UIMC1: variants seen among roughly 807,000 people sequenced by gnomAD.
The protein encoded by UIMC1 is ubiquitin interaction motif containing 1.
UIMC1 carries 42 observed loss-of-function variants against 84.9 expected under a neutral mutation model. The observed-to-expected ratio is 0.49, with a 90% confidence interval of 0.39 to 0.64. UIMC1 has a LOEUF of 0.64. Among genes scored for constraint, UIMC1 ranks in the 30% least tolerant of loss-of-function variants. The pLI is 0.00. For synonymous variants in UIMC1, 281 were observed against 293.0 expected, an observed-to-expected ratio of 0.96 and a Z score of 0.42; for missense variants, 825 against 847.6, an observed-to-expected ratio of 0.97 and a Z score of 0.33.
At chr5:176,932,943 C>A (rs957905888) in intron 10 of UIMC1, among the ~76,000 whole-genome samples, 5 of 151,516 alleles carry the variant, frequency 3.3e-5, no homozygotes, top group Non-Finnish European at 7.4e-5. Flanking sequence ...TGCCCACCCA[C>A]CCTCTCAATT....
chr5:176,951,648 C>A (rs1765893210), intron 8 of UIMC1, 71 bp from the exon 9 acceptor site: 1 of 1,097,994 alleles, frequency 9.1e-7, no homozygotes, highest in Non-Finnish European at 1.3e-6. Context: ...AACAAACATG[C>A]CTATTTTCAC....
rs1366889462 is a variant in UIMC1, at chr5:176,957,723, G to T, written c.1262+370C>A. Among the ~76,000 whole-genome samples, 4 of 152,178 alleles carry T rather than the reference G, an allele frequency of 2.6e-5. No individual in the cohort carries two copies. The East Asian group carries it at 7.7e-4, about 29-fold the overall frequency. On this transcript the variant is annotated intron_variant, in intron 7 of 14. Transcript: ENST00000511320. Reference sequence around the variant, plus strand: ...AGAGTTGGGGAAAAGAGAGAAAGGGGCTAAGAATAGAAGGACTATAAAGAA... The same window carrying T: ...AGAGTTGGGGAAAAGAGAGAAAGGGTCTAAGAATAGAAGGACTATAAAGAA...
At chr5:176,999,071 A>T (rs557883107) in intron 1 of UIMC1, among the ~76,000 whole-genome samples, 8 of 152,244 alleles carry the variant, frequency 5.3e-5, no homozygotes, top group African/African-American at 1.7e-4. Flanking sequence ...GCATACCTGT[A>T]GTCCCAGCTA....
In UIMC1 at chr5:176,939,030, C is replaced by A. The variant is rs551251719; in HGVS notation, c.1597+4305G>T. Among the ~76,000 whole-genome samples the A allele has an allele frequency of 3.3e-5, 5 of 151,330 alleles. No individual in the cohort carries two copies. In the South Asian group the frequency reaches 1.0e-3, roughly 32 times the overall value. ...CACTTTAGGAGGCCAAGGCGGGATGCCTGCTTGGGCCCAGGAGTTCAAGAC... is the reference window on the plus strand; with the variant it reads ...CACTTTAGGAGGCCAAGGCGGGATGACTGCTTGGGCCCAGGAGTTCAAGAC... On this transcript the variant is annotated intron_variant, in intron 10 of 14. Coordinates refer to ENST00000511320, the MANE Select transcript of UIMC1 (RefSeq NM_001199298.2).
intron 2 of UIMC1, among the ~76,000 whole-genome samples, chr5:176,978,207 TA>T (rs1180708522): frequency 2.6e-5 from 4 of 151,464 alleles, no homozygotes. Flanking sequence ...CCGTCTCTAC[TA>T]AAAATACAAA....
upstream of UIMC1, among the ~76,000 whole-genome samples, chr5:177,011,213 GA>G (rs1581738189): frequency 1.3e-5 from 2 of 150,392 alleles, no homozygotes; most frequent in Non-Finnish European, 1.5e-5. Flanking sequence ...AAGAAGAAAA[GA>G]AAAAAAGAAC....
chr5:176,980,710 T>A (rs1035100576), intron 2 of UIMC1, among the ~76,000 whole-genome samples: 1 of 152,188 alleles, frequency 6.6e-6, no homozygotes, highest in African/African-American at 2.4e-5. Flanking sequence ...TTAATATTTT[T>A]ATTTTTGTTA....
chr5:176,963,521 T>TAA (rs74389908), intron 6 of UIMC1, among the ~76,000 whole-genome samples: 185 of 130,020 alleles, frequency 1.4e-3, no homozygotes, highest in African/African-American at 4.5e-3. Flanking sequence ...ACTCCATCTT[T>TAA]AAAAAAAAAA....
chr5:176,928,459 T>C (rs183250608), intron 10 of UIMC1, among the ~76,000 whole-genome samples: 1 of 152,324 alleles, frequency 6.6e-6, no homozygotes, highest in Admixed American at 6.5e-5. Flanking sequence ...TTATGTGTAA[T>C]TCAAGAATGA....
At chr5:176,923,902 CACACACACACACACACACACACACAG>C (rs1762049227) in intron 10 of UIMC1, among the ~76,000 whole-genome samples, 1 of 95,396 alleles carries the variant, frequency 1.0e-5, no homozygotes, top group African/African-American at 5.3e-5. Context: ...CACACACAGA[CACACACACACACACACACACACACAG>C]ACACACACAC....
At chr5:176,912,811 C>T (rs373884702) in intron 10 of UIMC1, among the ~76,000 whole-genome samples, 5 of 152,072 alleles carry the variant, frequency 3.3e-5, no homozygotes, top group Admixed American at 2.6e-4. Context: ...GATTTACAGG[C>T]GCCCGCCACG....
At chr5:176,910,946 G>A (rs190034154) in intron 11 of UIMC1, among the ~76,000 whole-genome samples, 31 of 152,082 alleles carry the variant, frequency 2.0e-4, no homozygotes, top group South Asian at 2.1e-4. Flanking sequence ...AAAATTAGCC[G>A]GGCGTGGTGG....
intron 2 of UIMC1, chr5:176,979,989 G>C (rs1770768820): frequency 6.6e-6 from 1 of 152,142 alleles, no homozygotes; most frequent in Non-Finnish European, 1.5e-5. Context: ...GGGCTAAATA[G>C]AATAAAAACA....
intron 10 of UIMC1, among the ~76,000 whole-genome samples, chr5:176,924,612 C>A (rs1762148338): frequency 6.6e-6 from 1 of 152,006 alleles, no homozygotes; most frequent in Admixed American, 6.6e-5. Context: ...AAATAAACCT[C>A]ATCCCCTAAC....
intron 1 of UIMC1, among the ~76,000 whole-genome samples, chr5:177,005,919 C>A (rs530023981): frequency 1.1e-4 from 17 of 152,286 alleles, no homozygotes; most frequent in Admixed American, 7.2e-4. Flanking sequence ...CTCGAGAAGC[C>A]TGCGGCGCTG....
At chr5:176,936,410 A>G (rs1380219183) in intron 10 of UIMC1, among the ~76,000 whole-genome samples, 2 of 152,118 alleles carry the variant, frequency 1.3e-5, no homozygotes, top group African/African-American at 2.4e-5. Context: ...CAAAATATTG[A>G]CTCTATTTTC....
At chr5:176,955,078 A>G (rs137880036) in intron 8 of UIMC1, among the ~76,000 whole-genome samples, 1 of 152,204 alleles carries the variant, frequency 6.6e-6, no homozygotes, top group South Asian at 2.1e-4. Flanking sequence ...GAAAAGCCAG[A>G]AAGGAAAATA....
At chr5:176,995,518 C>CA (rs1387782557) in intron 1 of UIMC1, among the ~76,000 whole-genome samples, 1 of 104,548 alleles carries the variant, frequency 9.6e-6, no homozygotes, top group African/African-American at 4.0e-5. Flanking sequence ...GACTGGGTGA[C>CA]AGAGAAAGAC....
rs190080754 is a variant in UIMC1 at position 176,953,335 on chromosome 5, T to G, written c.1340-1758A>C. Among the ~76,000 whole-genome samples the G allele has an allele frequency of 2.7e-3, 408 of 152,338 alleles. 1 individual carries two copies. Among genetic ancestry groups the G allele is most frequent in the African/African-American group, 9.6e-3 (398 of 41,572 alleles). ...GACACTATACCTGCTGTACCTCTAA[T>G]TAGCACTTTGCTTCACAAAACAATA... On this transcript the variant is annotated intron_variant, in intron 8 of 14. Transcript: ENST00000511320.
Sources: allele counts gnomAD v4.1 joint callset (sites outside exome capture counted in the v4.1 genomes callset), GRCh38; gene constraint gnomAD v4.1.1; transcripts MANE v1.5; gene names NCBI Gene and HGNC (gene_info 2026-07-23, HGNC 2026-07-21).